ABCA5: variants seen among roughly 807,000 people sequenced by gnomAD.
ABCA5 encodes cholesterol transporter ABCA5.
Under a neutral mutation model 206.0 loss-of-function variants are expected in ABCA5, and 163 were observed. The ratio of observed to expected loss-of-function variants is 0.79; its 90% CI spans 0.70 to 0.90. The LOEUF (loss-of-function observed/expected upper bound fraction) is 0.90, where lower values mean the gene tolerates loss of function less well. Among genes scored for constraint, ABCA5 ranks in the 40% least tolerant of loss-of-function variants. The probability of loss-of-function intolerance (pLI) is 0.00; values close to 1 mark genes in which losing one functional copy is unlikely to be tolerated. For synonymous variants in ABCA5, 609 were observed against 613.8 expected, an observed-to-expected ratio of 0.99 and a Z score of 0.11; for missense variants, 1,859 against 1,912.9, an observed-to-expected ratio of 0.97 and a Z score of 0.53.
At position 69,279,504 on chromosome 17, in the gene ABCA5, C is replaced by A. The variant is rs1352151267; in HGVS notation, c.2393-1662G>T. Among the ~76,000 whole-genome samples, 11 of 151,346 alleles carry A rather than the reference C, an allele frequency of 7.3e-5. No homozygotes were observed. The South Asian group carries it at 1.0e-3, about 14-fold the overall frequency. ...TGCCATCCCCATCAAGCTACCAATG[C>A]CTTTCTTCACAGAATTGGAAAAAAC... On this transcript the variant is annotated intron_variant, in intron 18 of 38. Transcript: ENST00000392676.
chr17:69,270,713 A>G lies in ABCA5; in HGVS notation c.2930T>C (p.Val977Ala), dbSNP rs1295674293. 17 of 1,577,198 alleles carry G rather than the reference A, an allele frequency of 1.1e-5. No individual in the cohort carries two copies. The highest frequency in any genetic ancestry group is 1.3e-5 in the Non-Finnish European group (15 of 1,167,086). Reference protein sequence around the residue: ...VFAAVFNSTMVYSLPILVNII... With the variant: ...VFAAVFNSTMAYSLPILVNII... ...ATTCACTAATATAGGTAAAGAATAA[A>G]CCATAGTACTGTTGAAAACAGCTGC... Residue 977 changes from valine to alanine, a missense_variant, in exon 22 of 39, where the codon GTT becomes GCT. By Grantham distance (64) the Val-to-Ala change is moderately conservative. Coordinates refer to ENST00000392676, the MANE Select transcript of ABCA5 (RefSeq NM_172232.4).
Position 69,244,352 on chromosome 17 carries a change from T to G in ABCA5, c.*3185A>C, listed in dbSNP as rs2074927675. ...TTGCATCATTTTTAATATGAGCTAC[T>G]CATTATTCAATTATCAGCACTAAAT... On this transcript the variant is annotated 3_prime_UTR_variant, in exon 39 of 39. Transcript: ENST00000392676. 6.6e-6 allele frequency: 1 copy of G among 152,130 alleles called. No homozygotes were observed. Among genetic ancestry groups the G allele is most frequent in the South Asian group, 2.1e-4 (1 of 4,834 alleles). 9.4% of individuals were successfully genotyped at this position (152,130 alleles called of 1,614,324 possible). A position where few individuals can be genotyped will look rare whatever the true frequency, so the allele number is the denominator to read the frequency against.
At chr17:69,288,952 T>C (rs113517206) in intron 14 of ABCA5, among the ~76,000 whole-genome samples, 2 of 152,124 alleles carry the variant, frequency 1.3e-5, no homozygotes, top group African/African-American at 4.8e-5. Flanking sequence ...AATTCATCCA[T>C]GTAACCAAAA....
intron 31 of ABCA5, 59 bp from the exon 32 acceptor site, chr17:69,254,549 G>T: frequency 7.1e-7 from 1 of 1,413,020 alleles, no homozygotes; most frequent in Non-Finnish European, 9.7e-7. Flanking sequence ...GAAGGAAGTG[G>T]CAAGTACATT....
Position 69,284,164 on chromosome 17 carries a change from C to A in ABCA5, c.2273-92G>T, listed in dbSNP as rs1439035324. The A allele has an allele frequency of 6.4e-6, 7 of 1,099,124 alleles. No individual in the cohort carries two copies. In the African/African-American group the frequency reaches 1.0e-4, roughly 16 times the overall value. The allele number at this position is 1,099,124 out of a possible 1,614,324, so 68.1% of individuals were successfully genotyped here. On this transcript the variant is annotated intron_variant, in intron 17 of 38. Coordinates refer to ENST00000392676, the MANE Select transcript of ABCA5 (RefSeq NM_172232.4). ...CTTTAAAAATAAGTTCATGAACAGC[C>A]TGTGAAACATATCATGACCCATCTC...
At chr17:69,267,713 C>T (rs1449017021) in intron 23 of ABCA5, among the ~76,000 whole-genome samples, 1 of 152,026 alleles carries the variant, frequency 6.6e-6, no homozygotes, top group Admixed American at 6.6e-5. Flanking sequence ...AAAAACTTAC[C>T]TCACAATGTT....
intron 36 of ABCA5, 27 bp downstream of exon 36, chr17:69,250,445 A>G: frequency 2.5e-6 from 4 of 1,584,678 alleles, no homozygotes; most frequent in Non-Finnish European, 3.4e-6. Flanking sequence ...CTATAAAGAA[A>G]TATAACCACA....
chr17:69,317,011 G>C (rs1228119702), intron 1 of ABCA5: 1 of 152,196 alleles, frequency 6.6e-6, no homozygotes, highest in Non-Finnish European at 1.5e-5. Context: ...GTGCTATTCA[G>C]AATAGCAGAA....
chr17:69,297,498 G>T (rs1361678837), intron 9 of ABCA5, 139 bp from the exon 10 acceptor site: 2 of 679,116 alleles, frequency 2.9e-6, no homozygotes, highest in African/African-American at 3.7e-5. Context: ...ACATCATGTT[G>T]TACACAATAA....
rs1158047605 is a variant in ABCA5 at position 69,302,854 on chromosome 17, C to T, written c.983G>A (p.Gly328Glu). 9.5e-6 allele frequency: 15 copies of T among 1,584,472 alleles called. No individual in the cohort carries two copies. The highest frequency in any genetic ancestry group is 1.3e-5 in the Non-Finnish European group (15 of 1,171,000). ...CACAGTAACAAAAAATTCAACTATT[C>T]CCACATGTTTTGATTTTTTAAAAAG... ...TPLFKKSKHV[G>E]IVEFFVTVAF... The change falls in exon 8 of 39, where the codon GGA becomes GAA. Residue 328 changes from glycine to glutamate, a missense_variant. Transcript: ENST00000392676.
chr17:69,270,889 T>C (rs2144935013), intron 21 of ABCA5, 139 bp from the exon 22 acceptor site: 1 of 827,418 alleles, frequency 1.2e-6, no homozygotes, highest in South Asian at 2.4e-5. Flanking sequence ...TAATACTCAA[T>C]GACAGATAAA....
At position 69,291,318 on chromosome 17, in the gene ABCA5, A is replaced by C. The variant is rs2144984946; in HGVS notation, c.1504T>G (p.Phe502Val). ...GTAATCTGACCCTCATATATGTCAA[A>C]TGACAAATCTAGTTCAGGAAAAAAG... The part of the protein sequence containing the change: ...ENVEALRNLS[F>V]DIYEGQITAL... Residue 502 changes from phenylalanine (F) to valine (V), a missense_variant, in exon 12 of 39, where the codon TTT (phenylalanine) becomes GTT (valine). By Grantham distance (50) the Phe-to-Val change is conservative. Coordinates refer to ENST00000392676, the MANE Select transcript of ABCA5 (RefSeq NM_172232.4). 1 of 1,593,354 alleles carries C rather than the reference A, an allele frequency of 6.3e-7. No homozygotes were observed. The highest frequency in any genetic ancestry group is 2.2e-5 in the East Asian group (1 of 44,540).
At chr17:69,274,402 T>C (rs2075307973) in intron 19 of ABCA5, among the ~76,000 whole-genome samples, 1 of 152,038 alleles carries the variant, frequency 6.6e-6, no homozygotes, top group African/African-American at 2.4e-5. Flanking sequence ...TTATTTTTTA[T>C]AGAGATGGGG....
rs752231687 is a variant in ABCA5 at position 69,271,234 on chromosome 17, C to T, written c.2820G>A (p.Thr940=). 34 of 1,613,270 alleles carry T rather than the reference C, an allele frequency of 2.1e-5. No individual in the cohort carries two copies. The highest frequency in any genetic ancestry group is 2.4e-5 in the Non-Finnish European group (28 of 1,179,566). The change falls in exon 21 of 39, where the codon ACG becomes ACA. Residue 940 remains threonine (T), a synonymous_variant. Transcript: ENST00000392676. The part of the protein sequence containing the change: ...SFFTSQNIMV[T]MINDSDYVSV... Reference sequence around the variant, plus strand: ...ATACATAGTCACTGTCATTAATCATCGTCACCATTATGTTCTGGCTTGTGA... The same window carrying T: ...ATACATAGTCACTGTCATTAATCATTGTCACCATTATGTTCTGGCTTGTGA...
At chr17:69,250,451 C>G in intron 36 of ABCA5, 21 bp downstream of exon 36, 2 of 1,590,290 alleles carry the variant, frequency 1.3e-6, no homozygotes, top group African/African-American at 1.4e-5. Context: ...AGAAATATAA[C>G]CACATTCTTT....
chr17:69,308,439 T>C, intron 4 of ABCA5, 71 bp from the exon 5 acceptor site: 3 of 1,006,510 alleles, frequency 3.0e-6, no homozygotes, highest in Non-Finnish European at 4.7e-6. Flanking sequence ...AGATATTATA[T>C]GGAGAGATAC....
At chr17:69,321,146 C>T (rs751180309) in intron 1 of ABCA5, among the ~76,000 whole-genome samples, 3 of 152,056 alleles carry the variant, frequency 2.0e-5, no homozygotes, top group Non-Finnish European at 4.4e-5. Context: ...GGTGGGAAAA[C>T]TGGGATGAAG....
At position 69,268,056 on chromosome 17, in the gene ABCA5, C is replaced by A; in HGVS notation, c.3031G>T (p.Glu1011Ter). 1 of 1,446,074 alleles carries A rather than the reference C, an allele frequency of 6.9e-7. No individual in the cohort carries two copies. Among genetic ancestry groups the A allele is most frequent in the Non-Finnish European group, 9.7e-7 (1 of 1,029,314 alleles). The allele number at this position is 1,446,074 out of a possible 1,614,324, so 89.6% of individuals were successfully genotyped here. A position where few individuals can be genotyped will look rare whatever the true frequency, so the allele number is the denominator to read the frequency against. The change falls in exon 23 of 39, where the codon GAA (glutamate) becomes TAA (stop). Residue 1011 changes from glutamate to a stop codon, truncating the protein, a stop_gained and splice_region_variant. Coordinates refer to ENST00000392676, the MANE Select transcript of ABCA5 (RefSeq NM_172232.4). LOFTEE classifies it high-confidence loss of function. Reference sequence around the variant, plus strand: ...ATTTTAAAAACTATATCAGTAATTTCCTGAAAGACAACCACAGAGTAACAA... The same window carrying A: ...ATTTTAAAAACTATATCAGTAATTTACTGAAAGACAACCACAGAGTAACAA... Reference protein sequence around the residue: ...IQIWSTPFFQEITDIVFKIEL... With the variant: ...IQIWSTPFFQ
chr17:69,308,379 A>G lies in ABCA5; in HGVS notation c.470-11T>C. ...ATTTTGAACAGCCAGCTATGGGGGG[A>G]AGAATATGAGATCTAAGATTCTGTA... On this transcript the variant is annotated splice_polypyrimidine_tract_variant and intron_variant, in intron 4 of 38. Coordinates refer to ENST00000392676, the MANE Select transcript of ABCA5 (RefSeq NM_172232.4). 6.3e-7 allele frequency: 1 copy of G among 1,591,460 alleles called. No individual in the cohort carries two copies. The highest frequency in any genetic ancestry group is 8.6e-7 in the Non-Finnish European group (1 of 1,160,584).
Sources: gnomAD v4.1 joint callset for allele counts (sites outside exome capture counted in the v4.1 genomes callset) on GRCh38, gnomAD v4.1.1 for gene constraint, MANE v1.5 for transcripts, NCBI Gene and HGNC (gene_info 2026-07-23, HGNC 2026-07-21) for gene names.